KLHDC10: variants seen among roughly 807,000 people sequenced by gnomAD.
KLHDC10 encodes kelch domain containing 10, also known as kelch domain-containing protein 10.
KLHDC10 carries 24 observed loss-of-function variants against 56.1 expected under a neutral mutation model. That is an observed-to-expected ratio of 0.43 (90% confidence interval 0.31 to 0.60). The LOEUF (loss-of-function observed/expected upper bound fraction) is 0.60, where lower values mean the gene tolerates loss of function less well. Among genes scored for constraint, KLHDC10 ranks in the 20% least tolerant of loss-of-function variants. KLHDC10 has a pLI of 0.11. For synonymous variants in KLHDC10, 188 were observed against 207.1 expected, an observed-to-expected ratio of 0.91 and a Z score of 0.79; for missense variants, 349 against 567.0, an observed-to-expected ratio of 0.62 and a Z score of 3.91.
chr7:130,081,729 G>C (rs1422416061), intron 1 of KLHDC10, among the ~76,000 whole-genome samples: 1 of 152,112 alleles, frequency 6.6e-6, no homozygotes, highest in African/African-American at 2.4e-5. Flanking sequence ...TTTATGTTTT[G>C]CCTGCCTTTC....
rs1234955510 is a variant in KLHDC10 at position 130,131,421 on chromosome 7, G to A, written c.*675G>A. 1 of 152,204 alleles carries A rather than the reference G, an allele frequency of 6.6e-6. No individual in the cohort carries two copies. The highest frequency in any genetic ancestry group is 2.4e-5 in the African/African-American group (1 of 41,420). 9.4% of individuals were successfully genotyped at this position (152,204 alleles called of 1,614,324 possible). On this transcript the variant is annotated 3_prime_UTR_variant, in exon 10 of 10. Coordinates refer to ENST00000335420, the MANE Select transcript of KLHDC10 (RefSeq NM_014997.4). The stretch of plus-strand genomic sequence containing the variant: ...TCTCATCCTCATGGTGCCAGCAGTG[G>A]TTAGAGTTGGTTTGTCAAAAGACTT...
At position 130,116,539 on chromosome 7, in the gene KLHDC10, A is replaced by T. The variant is rs763722795; in HGVS notation, c.348A>T (p.Glu116Asp). ...VFGGYNPDYD[E>D]SGGPDNEDYP... Reference sequence around the variant, plus strand: ...GAGGTTATAACCCAGATTATGATGAATCGGGAGGGCCTGATAATGAAGACT... The same window carrying T: ...GAGGTTATAACCCAGATTATGATGATTCGGGAGGGCCTGATAATGAAGACT... The change falls in exon 3 of 10, where the codon GAA (glutamate) becomes GAT (aspartate). Residue 116 changes from glutamate to aspartate, a missense_variant. Coordinates refer to ENST00000335420, the MANE Select transcript of KLHDC10 (RefSeq NM_014997.4). This position sits in a 1 kb window ranked among gnomAD's most constrained non-coding sequence, Gnocchi z 4.8. The T allele has an allele frequency of 6.2e-7, 1 of 1,614,146 alleles. No homozygotes were observed. Among genetic ancestry groups the T allele is most frequent in the Admixed American group, 1.7e-5 (1 of 60,020 alleles).
At chr7:130,071,260 A>G (rs1039204023) in intron 1 of KLHDC10, among the ~76,000 whole-genome samples, 1 of 152,206 alleles carries the variant, frequency 6.6e-6, no homozygotes, top group African/African-American at 2.4e-5. Flanking sequence ...CGTGTGTGTA[A>G]GAGGCATTCT....
intron 2 of KLHDC10, among the ~76,000 whole-genome samples, chr7:130,103,149 G>A (rs768820316): frequency 1.3e-5 from 2 of 152,120 alleles, no homozygotes; most frequent in Non-Finnish European, 2.9e-5. Context: ...GTTTTGGCCA[G>A]GCACGGTGGC....
intron 2 of KLHDC10, among the ~76,000 whole-genome samples, chr7:130,097,918 A>G (rs62491321): frequency 0.048 from 7,254 of 152,270 alleles, 233 homozygotes; most frequent in South Asian, 0.13. Flanking sequence ...TCTGGTTCAC[A>G]CTATTTTTCT....
chr7:130,079,882 C>T (rs2116843066), intron 1 of KLHDC10, among the ~76,000 whole-genome samples: 1 of 139,788 alleles, frequency 7.2e-6, no homozygotes, highest in East Asian at 2.0e-4. Context: ...TCCTCCCTCC[C>T]TCCCTTCCTC....
chr7:130,114,127 A>G (rs1489123776), intron 2 of KLHDC10, among the ~76,000 whole-genome samples: 1 of 152,164 alleles, frequency 6.6e-6, no homozygotes, highest in Non-Finnish European at 1.5e-5. Flanking sequence ...AACTTTTAGT[A>G]CCTGTTTTTA....
Position 130,070,788 on chromosome 7 carries a change from T to A in KLHDC10, c.145T>A (p.Ser49Thr). The A allele has an allele frequency of 1.5e-6, 2 of 1,306,654 alleles. No individual in the cohort carries two copies. The highest frequency in any genetic ancestry group is 2.0e-6 in the Non-Finnish European group (2 of 1,025,060). The allele number at this position is 1,306,654 out of a possible 1,614,324, so 80.9% of individuals were successfully genotyped here. A position where few individuals can be genotyped will look rare whatever the true frequency, so the allele number is the denominator to read the frequency against. ...CCAGCTCAACCGCTTCGTGCAACTC[T>A]CCGGGCGGCCGCACCTGCCAGGTGA... ...TGQLNRFVQL[S>T]GRPHLPGKKK... The change falls in exon 1 of 10, where the codon TCC becomes ACC. Residue 49 changes from serine to threonine, a missense_variant. By Grantham distance (58) the Ser-to-Thr change is moderately conservative. Around this residue, in one of 2 missense-constraint regions of KLHDC10, gnomAD observed 104 missense variants for 97.0 expected, o/e 1.07. Transcript: ENST00000335420.
rs949118030 is a variant in KLHDC10 at position 130,107,527 on chromosome 7, CAATG to C, written c.254-8915_254-8912del. On this transcript the variant is annotated intron_variant, in intron 2 of 9. Transcript: ENST00000335420. ...ACTTAGAAATAAAAAAACAATAAAACAATGAAACTTGATGAAATACAAAACTAGC... is the reference window on the plus strand; with the variant it reads ...ACTTAGAAATAAAAAAACAATAAAACAAACTTGATGAAATACAAAACTAGC... 1.1e-3 allele frequency among the ~76,000 whole-genome samples: 171 copies of C among 150,178 alleles called. 1 individual carries two copies. The highest frequency in any genetic ancestry group is 4.1e-3 in the African/African-American group (164 of 39,766).
chr7:130,116,478 G>A lies in KLHDC10; in HGVS notation c.287G>A (p.Arg96His). The change falls in exon 3 of 10, where the codon CGT (arginine) becomes CAT (histidine). Residue 96 changes from arginine (R) to histidine (H), a missense_variant. Transcript: ENST00000335420. This position sits in a 1 kb window ranked among gnomAD's most constrained non-coding sequence, Gnocchi z 4.8. ...CCTCCACCAGCACGAAGTGGACATCGTTGTGTGGCAGATAATACCAACCTA... is the reference window on the plus strand; with the variant it reads ...CCTCCACCAGCACGAAGTGGACATCATTGTGTGGCAGATAATACCAACCTA... Reference protein sequence around the residue: ...HRPPPARSGHRCVADNTNLYV... With the variant: ...HRPPPARSGHHCVADNTNLYV... The A allele has an allele frequency of 6.2e-7, 1 of 1,614,070 alleles. No homozygotes were observed. Among genetic ancestry groups the A allele is most frequent in the Admixed American group, 1.7e-5 (1 of 60,000 alleles).
At chr7:130,098,901 C>G (rs895444204) in intron 2 of KLHDC10, among the ~76,000 whole-genome samples, 2 of 152,024 alleles carry the variant, frequency 1.3e-5, no homozygotes, top group Non-Finnish European at 2.9e-5. Flanking sequence ...AAGTTTTATA[C>G]CATTGGTTAT....
chr7:130,107,562 G>A (rs1796026012), intron 2 of KLHDC10, among the ~76,000 whole-genome samples: 1 of 152,022 alleles, frequency 6.6e-6, no homozygotes, highest in East Asian at 1.9e-4. Context: ...CTAGCTGGGC[G>A]ACCAGGTGCC....
At chr7:130,089,127 C>G (rs1795735212) in intron 1 of KLHDC10, among the ~76,000 whole-genome samples, 1 of 151,548 alleles carries the variant, frequency 6.6e-6, no homozygotes, top group Non-Finnish European at 1.5e-5. Flanking sequence ...AAAAAAAAAA[C>G]ATATATTTTA....
intron 2 of KLHDC10, among the ~76,000 whole-genome samples, chr7:130,112,059 TC>T (rs1336943422): frequency 6.6e-6 from 1 of 152,216 alleles, no homozygotes; most frequent in African/African-American, 2.4e-5. Context: ...TTTTATTTTT[TC>T]TATAAAAATT....
chr7:130,087,801 C>T (rs1033971464), intron 1 of KLHDC10, among the ~76,000 whole-genome samples: 1 of 150,836 alleles, frequency 6.6e-6, no homozygotes, highest in African/African-American at 2.4e-5. Flanking sequence ...GCTCTTGTCA[C>T]CCAGGCTGGA....
intron 1 of KLHDC10, among the ~76,000 whole-genome samples, chr7:130,075,386 T>A (rs1416638943): frequency 2.0e-5 from 3 of 152,190 alleles, no homozygotes; most frequent in African/African-American, 7.2e-5. Flanking sequence ...AAGTAAGTAA[T>A]GTGTATAAAA....
chr7:130,124,802 G>T (rs1796293028), intron 6 of KLHDC10, among the ~76,000 whole-genome samples: 1 of 152,178 alleles, frequency 6.6e-6, no homozygotes, highest in South Asian at 2.1e-4. Flanking sequence ...TAAAAGGAAG[G>T]CATAGTAGCT....
At chr7:130,089,408 C>T (rs967427420) in intron 1 of KLHDC10, among the ~76,000 whole-genome samples, 8 of 152,146 alleles carry the variant, frequency 5.3e-5, no homozygotes, top group African/African-American at 1.9e-4. Context: ...GCTTGGGCAA[C>T]ATAGCTAGAC....
chr7:130,127,136 T>A (rs1249992685), intron 7 of KLHDC10, among the ~76,000 whole-genome samples: 1 of 152,200 alleles, frequency 6.6e-6, no homozygotes, highest in Admixed American at 6.5e-5. Flanking sequence ...TCTACCTATC[T>A]CCTTGTGGGT....
Sources: gnomAD v4.1 joint callset for allele counts (sites outside exome capture counted in the v4.1 genomes callset) on GRCh38, gnomAD v4.1.1 for gene constraint, gnomAD v4.1.1 regional missense constraint, Gnocchi (gnomAD v3.1) non-coding constraint, MANE v1.5 for transcripts, NCBI Gene and HGNC (gene_info 2026-07-23, HGNC 2026-07-21) for gene names.